Variants in NRXN3 observed in about 807,000 individuals in gnomAD.
NRXN3 encodes neurexin 3.
In NRXN3, 32 loss-of-function variants were observed where a neutral mutation model predicts 137.6. The observed-to-expected ratio is 0.23, with a 90% CI of 0.18 to 0.31. NRXN3 has a LOEUF of 0.31. Among genes scored for constraint, NRXN3 ranks in the 10% least tolerant of loss-of-function variants. The probability of loss-of-function intolerance (pLI) is 1.00; values close to 1 mark genes in which losing one functional copy is unlikely to be tolerated. For missense variants in NRXN3, 1,574 were observed against 2,062.5 expected, an observed-to-expected ratio of 0.76 and a Z score of 4.59; for synonymous variants, 798 against 784.5, an observed-to-expected ratio of 1.02 and a Z score of -0.29.
At chr14:78,778,211 T>A (rs1207772239) in intron 8 of NRXN3, among the ~76,000 whole-genome samples, 1 of 152,232 alleles carries the variant, frequency 6.6e-6, no homozygotes, top group Non-Finnish European at 1.5e-5. Flanking sequence ...AGAAGGTAAT[T>A]TGTTGTACTT....
At chr14:79,551,066 C>G (rs1318701290) in intron 16 of NRXN3, among the ~76,000 whole-genome samples, 1 of 152,156 alleles carries the variant, frequency 6.6e-6, no homozygotes, top group Non-Finnish European at 1.5e-5. Context: ...TTGAAGAAGC[C>G]GCTTGCATTC....
At chr14:79,594,662 G>A (rs941912697) in intron 16 of NRXN3, among the ~76,000 whole-genome samples, 1 of 149,020 alleles carries the variant, frequency 6.7e-6, no homozygotes, top group African/African-American at 2.5e-5. Context: ...TCCCATCATA[G>A]AGATGAATCA....
chr14:78,632,612 A>G (rs781206177), intron 4 of NRXN3, among the ~76,000 whole-genome samples: 11 of 152,190 alleles, frequency 7.2e-5, no homozygotes, highest in Non-Finnish European at 1.0e-4. Flanking sequence ...TCTGAGCCTT[A>G]GTTTTATCAT....
At position 79,361,784 on chromosome 14, in the gene NRXN3, G is replaced by A. The variant is rs78926395; in HGVS notation, c.3263-105437G>A. Among the ~76,000 whole-genome samples the A allele has an allele frequency of 6.3e-3, 957 of 152,092 alleles. 7 individuals carry two copies. Among genetic ancestry groups the A allele is most frequent in the African/African-American group, 0.022 (913 of 41,488 alleles). ...CTGATATCGATTGATGACGTTGAGAGCAATGACCAGATATAAGGGAACAAT... is the reference window on the plus strand; with the variant it reads ...CTGATATCGATTGATGACGTTGAGAACAATGACCAGATATAAGGGAACAAT... On this transcript the variant is annotated intron_variant, in intron 15 of 20. Transcript: ENST00000335750.
chr14:78,882,693 C>T (rs2099132579), intron 10 of NRXN3, among the ~76,000 whole-genome samples: 1 of 151,604 alleles, frequency 6.6e-6, no homozygotes, highest in Non-Finnish European at 1.5e-5. Flanking sequence ...GTGGAAAGGA[C>T]TTGCCTTGTC....
intron 4 of NRXN3, among the ~76,000 whole-genome samples, chr14:78,415,427 G>A (rs1386707475): frequency 6.6e-6 from 1 of 152,146 alleles, no homozygotes; most frequent in Non-Finnish European, 1.5e-5. Flanking sequence ...GAGTTGAGGG[G>A]TTGACTGGGT....
intron 15 of NRXN3, among the ~76,000 whole-genome samples, chr14:79,368,369 T>C (rs1042165926): frequency 2.0e-5 from 3 of 152,214 alleles, no homozygotes; most frequent in Admixed American, 6.5e-5. Context: ...AAATACCTAC[T>C]TTTTGCCATG....
chr14:78,335,499 G>T (rs143971678), intron 4 of NRXN3, among the ~76,000 whole-genome samples: 46 of 152,328 alleles, frequency 3.0e-4, no homozygotes, highest in African/African-American at 1.1e-3. Context: ...CCTGGCAGGT[G>T]TTTAGTAATG....
At chr14:79,332,228 C>A (rs2091783904) in intron 15 of NRXN3, among the ~76,000 whole-genome samples, 1 of 152,178 alleles carries the variant, frequency 6.6e-6, no homozygotes, top group South Asian at 2.1e-4. Context: ...TTCGCACCAA[C>A]CTTATACTGC....
intron 15 of NRXN3, among the ~76,000 whole-genome samples, chr14:79,181,520 TA>T (rs1749097861): frequency 6.6e-6 from 1 of 151,750 alleles, no homozygotes; most frequent in African/African-American, 2.4e-5. Flanking sequence ...CCGTCTCTAC[TA>T]AAAACACAAA....
At chr14:78,514,749 A>G (rs1444926248) in intron 4 of NRXN3, among the ~76,000 whole-genome samples, 2 of 152,190 alleles carry the variant, frequency 1.3e-5, no homozygotes, top group African/African-American at 4.8e-5. Flanking sequence ...GAAATGTTAA[A>G]GCAAGGAAAC....
chr14:78,872,493 A>G (rs548484125), intron 10 of NRXN3, among the ~76,000 whole-genome samples: 85 of 151,552 alleles, frequency 5.6e-4, no homozygotes, highest in Non-Finnish European at 1.1e-3. Flanking sequence ...TCTCCTATGT[A>G]CCTTAGTCTC....
intron 8 of NRXN3, among the ~76,000 whole-genome samples, chr14:78,795,871 A>G (rs924459490): frequency 4.6e-5 from 7 of 152,224 alleles, no homozygotes; most frequent in Non-Finnish European, 7.3e-5. Flanking sequence ...CATTTATTCA[A>G]GACATCTATT....
At chr14:79,556,526 C>T (rs1404745713) in intron 16 of NRXN3, among the ~76,000 whole-genome samples, 1 of 152,048 alleles carries the variant, frequency 6.6e-6, no homozygotes, top group Non-Finnish European at 1.5e-5. Context: ...TTGACTAACT[C>T]AACTAGCCCT....
At chr14:78,281,186 G>A (rs757159344) in intron 3 of NRXN3, among the ~76,000 whole-genome samples, 12 of 152,286 alleles carry the variant, frequency 7.9e-5, no homozygotes, top group South Asian at 4.1e-4. Context: ...TGGCCTGAGC[G>A]TGCCCGGCCC....
intron 8 of NRXN3, among the ~76,000 whole-genome samples, chr14:78,748,170 TCAGA>T (rs1211277034): frequency 6.6e-6 from 1 of 152,132 alleles, no homozygotes; most frequent in Non-Finnish European, 1.5e-5. Context: ...TATAACTGAA[TCAGA>T]CAGAACCCCT....
At chr14:78,819,430 T>C (rs919394112) in intron 10 of NRXN3, among the ~76,000 whole-genome samples, 1 of 152,174 alleles carries the variant, frequency 6.6e-6, no homozygotes, top group Non-Finnish European at 1.5e-5. Context: ...GTACATTGTG[T>C]TAAATATTAT....
rs1017249617 is a variant in NRXN3 at position 79,862,108 on chromosome 14, G to A, written c.*144G>A. Reference sequence around the variant, plus strand: ...AACCACGACTCTGGTGGGGAAAACCGTTTTTTAAAGGACACACACACACAC... The same window carrying A: ...AACCACGACTCTGGTGGGGAAAACCATTTTTTAAAGGACACACACACACAC... On this transcript the variant is annotated 3_prime_UTR_variant, in exon 21 of 21. Transcript: ENST00000335750. The A allele has an allele frequency of 1.5e-5, 10 of 688,378 alleles. No homozygotes were observed. The highest frequency in any genetic ancestry group is 2.2e-5 in the Non-Finnish European group (9 of 410,912). The allele number at this position is 688,378 out of a possible 1,614,324, so 42.6% of individuals were successfully genotyped here. A position where few individuals can be genotyped will look rare whatever the true frequency, so the allele number is the denominator to read the frequency against.
At chr14:79,201,997 G>A (rs1034330244) in intron 15 of NRXN3, among the ~76,000 whole-genome samples, 1 of 152,076 alleles carries the variant, frequency 6.6e-6, no homozygotes, top group Non-Finnish European at 1.5e-5. Flanking sequence ...TCCAAATCCT[G>A]TATGCTTAAC....
Sources: allele counts gnomAD v4.1 joint callset (sites outside exome capture counted in the v4.1 genomes callset), GRCh38; gene constraint gnomAD v4.1.1; transcripts MANE v1.5; gene names NCBI Gene and HGNC (gene_info 2026-07-23, HGNC 2026-07-21).